Variants in NMRK2 observed in about 807,000 individuals in gnomAD.
NMRK2 encodes NRK 2.
Under a neutral mutation model 24.7 loss-of-function variants are expected in NMRK2, and 34 were observed. The ratio of observed to expected loss-of-function variants is 1.37; its 90% CI spans 1.05 to 1.83. The LOEUF is 1.83. NMRK2 is among the 40% of genes most tolerant of loss of function. The pLI, the probability that NMRK2 is intolerant of heterozygous loss-of-function variation, is 0.00. For missense variants in NMRK2, 341 were observed against 315.0 expected (o/e 1.08, Z -0.62); for synonymous variants, 145 against 125.6 (o/e 1.15, Z -1.03).
chr19:3,936,207 T>G (rs1424298004), intron 2 of NMRK2, among the ~76,000 whole-genome samples: 1 of 143,304 alleles, frequency 7.0e-6, no homozygotes, highest in Admixed American at 7.1e-5. Flanking sequence ...TGAAACTCCG[T>G]CTCGGAAAAA....
chr19:3,942,058 C>T (rs1411428274), intron 7 of NMRK2, 25 bp from the exon 8 acceptor site: 1 of 1,606,346 alleles, frequency 6.2e-7, no homozygotes, highest in Non-Finnish European at 8.5e-7. Flanking sequence ...TCCCGGCAGC[C>T]CTGACGCAGC....
At chr19:3,941,492 A>G (rs979336111) in intron 7 of NMRK2, among the ~76,000 whole-genome samples, 4 of 150,414 alleles carry the variant, frequency 2.7e-5, no homozygotes, top group African/African-American at 9.8e-5. Flanking sequence ...ACCTTAGGTG[A>G]TCTGCCCTCC....
chr19:3,933,754 A>C, intron 2 of NMRK2, 57 bp downstream of exon 2: 1 of 1,367,130 alleles, frequency 7.3e-7, no homozygotes, highest in Non-Finnish European at 9.4e-7. Context: ...CTGTGCGCGC[A>C]GAGGGGGAGG....
chr19:3,938,833 T>TTTG (rs2039270698), intron 5 of NMRK2, 74 bp downstream of exon 5: 3 of 605,864 alleles, frequency 5.0e-6, no homozygotes, highest in African/African-American at 8.9e-5. Flanking sequence ...TTTTTTTTTT[T>TTTG]TTTTTTTTTT....
chr19:3,938,788 C>G, intron 5 of NMRK2, 29 bp downstream of exon 5: 6 of 1,445,558 alleles, frequency 4.2e-6, no homozygotes, highest in Non-Finnish European at 5.6e-6. Flanking sequence ...TGGCCCCAGG[C>G]ATGGCCCTCT....
At position 3,941,788 on chromosome 19, in the gene NMRK2, G is replaced by A. The variant is rs536280111; in HGVS notation, c.503-295G>A. ...CTCCTGAATAGCTGGGATTACAGGC[G>A]CGCGTCACCACACCCATCTAATTTT... On this transcript the variant is annotated intron_variant, in intron 7 of 7. Transcript: ENST00000168977. 1.6e-4 allele frequency among the ~76,000 whole-genome samples: 24 copies of A among 151,888 alleles called. No homozygotes were observed. In the East Asian group the frequency reaches 2.7e-3, roughly 17 times the overall value.
In NMRK2 at chr19:3,941,035, T is replaced by G. The variant is rs201160988; in HGVS notation, c.396-36T>G. The G allele has an allele frequency of 4.6e-4, 631 of 1,384,112 alleles. 6 individuals are homozygous for G. The African/African-American group carries it at 8.3e-3, about 18-fold the overall frequency. The allele number at this position is 1,384,112 out of a possible 1,614,324, so 85.7% of individuals were successfully genotyped here. On this transcript the variant is annotated intron_variant, in intron 6 of 7. Transcript: ENST00000168977. The stretch of plus-strand genomic sequence containing the variant: ...GGGTATATTCTTAGCATCACCCTTC[T>G]GTGCTCTAAGCCATCCTTGCCTTCT...
chr19:3,938,849 GTTTTT>G, intron 5 of NMRK2, 90 bp downstream of exon 5: 6 of 228,096 alleles, frequency 2.6e-5, no homozygotes, highest in East Asian at 1.9e-4. Context: ...TTTTTGTTTT[GTTTTT>G]TTTTTTTTTT....
At chr19:3,939,759 T>G in intron 5 of NMRK2, 141 bp from the exon 6 acceptor site, 1 of 651,228 alleles carries the variant, frequency 1.5e-6, no homozygotes, top group Admixed American at 2.7e-5. Context: ...TCAGCTTCCC[T>G]CCCTGACCCC....
At chr19:3,941,792 G>A (rs1410694580) in intron 7 of NMRK2, among the ~76,000 whole-genome samples, 8 of 151,830 alleles carry the variant, frequency 5.3e-5, no homozygotes, top group Middle Eastern at 3.4e-3. Flanking sequence ...ACAGGCGCGC[G>A]TCACCACACC....
intron 3 of NMRK2, among the ~76,000 whole-genome samples, 184 bp from the exon 4 acceptor site, chr19:3,937,056 G>A (rs970746860): frequency 6.6e-6 from 1 of 152,030 alleles, no homozygotes; most frequent in East Asian, 1.9e-4. Context: ...CTGTGTGGGT[G>A]TGGGTGGGGG....
chr19:3,936,530 C>A, intron 2 of NMRK2, 45 bp from the exon 3 acceptor site: 1 of 1,458,656 alleles, frequency 6.9e-7, no homozygotes, highest in Non-Finnish European at 9.2e-7. Context: ...CCCTGACCTT[C>A]TTGGGGGGAG....
At chr19:3,936,960 G>A (rs1354433094) in intron 3 of NMRK2, among the ~76,000 whole-genome samples, 1 of 152,176 alleles carries the variant, frequency 6.6e-6, no homozygotes, top group African/African-American at 2.4e-5. Context: ...CACAGGGCCA[G>A]CCGGCTGTGG....
rs2039342927 is a variant in NMRK2 at position 3,942,090 on chromosome 19, G to A, written c.510G>A (p.Leu170=). Residue 170 remains leucine (L), a synonymous_variant, in exon 8 of 8, where the codon CTG becomes CTA. Coordinates refer to ENST00000168977, the MANE Select transcript of NMRK2 (RefSeq NM_170678.3). ...MEANGVEVVY[L]DGMKSREELF... is the part of the protein sequence containing the mutation. ...CAGCCTTTCTGATTTCAGTCTACCT[G>A]GACGGCATGAAGTCCCGAGAGGAGC... The A allele has an allele frequency of 6.2e-7, 1 of 1,613,020 alleles. No homozygotes were observed. Among genetic ancestry groups the A allele is most frequent in the African/African-American group, 1.3e-5 (1 of 74,910 alleles).
chr19:3,933,466 T>C lies in NMRK2; in HGVS notation c.-206T>C. The C allele has an allele frequency of 1.9e-6, 1 of 533,006 alleles. No individual in the cohort carries two copies. Among genetic ancestry groups the C allele is most frequent in the Non-Finnish European group, 3.3e-6 (1 of 305,642 alleles). The allele number at this position is 533,006 out of a possible 1,614,324, so 33.0% of individuals were successfully genotyped here. ...ATTTAGGCAAAAGGCAGCCTGGAGC[T>C]ATTTCCATTCGGCGGCGGGAACAGG... is the stretch of plus-strand genomic sequence containing the variant. On this transcript the variant is annotated 5_prime_UTR_variant, in exon 2 of 8. Coordinates refer to ENST00000168977, the MANE Select transcript of NMRK2 (RefSeq NM_170678.3).
chr19:3,933,708 G>T lies in NMRK2; in HGVS notation c.26+11G>T. On this transcript the variant is annotated intron_variant, in intron 2 of 7. Transcript: ENST00000168977. The stretch of plus-strand genomic sequence containing the variant: ...CGTGGGCATCGGAGGGTGAGCGCCG[G>T]GGGACCTGGTGGGCGGCCCTGCGGG... 3 of 1,434,414 alleles carry T rather than the reference G, an allele frequency of 2.1e-6. No homozygotes were observed. Among genetic ancestry groups the T allele is most frequent in the East Asian group, 2.8e-5 (1 of 35,770 alleles). The allele number at this position is 1,434,414 out of a possible 1,614,324, so 88.9% of individuals were successfully genotyped here.
rs201494732 is a variant in NMRK2 at position 3,936,638 on chromosome 19, C to T, written c.90C>T (p.Cys30=). ...TGCTCAGAGCCCTGCCCAACTGCTG[C>T]GTGATCCATCAGGATGACTTCTTCA... ...NSLLRALPNC[C]VIHQDDFFKP... The change falls in exon 3 of 8, where the codon TGC becomes TGT. Residue 30 remains cysteine (C), a synonymous_variant. Coordinates refer to ENST00000168977, the MANE Select transcript of NMRK2 (RefSeq NM_170678.3). 8.3e-6 allele frequency: 13 copies of T among 1,572,040 alleles called. No homozygotes were observed. In the East Asian group the frequency reaches 2.3e-4, roughly 28 times the overall value.
Position 3,942,255 on chromosome 19 carries a change from C to G in NMRK2, c.675C>G (p.Ser225=), listed in dbSNP as rs1055380986. The G allele has an allele frequency of 6.2e-7, 1 of 1,610,208 alleles. No homozygotes were observed. Among genetic ancestry groups the G allele is most frequent in the Non-Finnish European group, 8.5e-7 (1 of 1,178,968 alleles). Residue 225 remains serine (S), a synonymous_variant, in exon 8 of 8, where the codon TCC becomes TCG. Coordinates refer to ENST00000168977, the MANE Select transcript of NMRK2 (RefSeq NM_170678.3). ...ACAGAACGGCCAGGCCTGCAGCGTC[C>G]CAGCAGGACAGCATGTGAGCGTTTC... ...CGHRTARPAA[S]QQDSM is the part of the protein sequence containing the mutation.
chr19:3,933,671 C>T lies in NMRK2; in HGVS notation c.-1C>T. Reference sequence around the variant, plus strand: ...CGTCCCCGCCGCCCCTCCGCACCGGCATGAAGCTCATCGTGGGCATCGGAG... The same window carrying T: ...CGTCCCCGCCGCCCCTCCGCACCGGTATGAAGCTCATCGTGGGCATCGGAG... On this transcript the variant is annotated 5_prime_UTR_variant, in exon 2 of 8. Transcript: ENST00000168977. The T allele has an allele frequency of 6.6e-7, 1 of 1,504,442 alleles. No homozygotes were observed. The highest frequency in any genetic ancestry group is 8.9e-7 in the Non-Finnish European group (1 of 1,127,690). The allele number at this position is 1,504,442 out of a possible 1,614,324, so 93.2% of individuals were successfully genotyped here.
Sources: allele counts gnomAD v4.1 joint callset (sites outside exome capture counted in the v4.1 genomes callset), GRCh38; gene constraint gnomAD v4.1.1; transcripts MANE v1.5; gene names NCBI Gene and HGNC (gene_info 2026-07-23, HGNC 2026-07-21).